CLIC5: variants seen among roughly 807,000 people sequenced by gnomAD.
CLIC5 encodes CLIC family member 5, also known as chloride intracellular channel protein 5.
In CLIC5, 20 loss-of-function variants were observed where a neutral mutation model predicts 24.7. The ratio of observed to expected loss-of-function variants is 0.81; its 90% CI spans 0.57 to 1.18. The LOEUF is 1.18. CLIC5 is among the 50% of genes most tolerant of loss of function. CLIC5 has a pLI of 0.00. For synonymous variants in CLIC5, 159 were observed against 135.6 expected (o/e 1.17, Z -1.20); for missense variants, 341 against 326.1 (o/e 1.05, Z -0.35).
intron 1 of CLIC5, among the ~76,000 whole-genome samples, chr6:46,061,838 T>G (rs1470375470): frequency 6.6e-6 from 1 of 152,220 alleles, no homozygotes; most frequent in Non-Finnish European, 1.5e-5. Context: ...ACATGAAAAC[T>G]CATCTGTCTC....
At chr6:46,109,614 G>T in the CLIC5 span, among the ~76,000 whole-genome samples, 101 of 149,080 alleles carry the variant, frequency 6.8e-4, 1 homozygote, top group East Asian at 0.019. Flanking sequence ...ACATGGGAAT[G>T]AATAGAGGAC....
intron 5 of CLIC5, chr6:45,912,093 T>A (rs1183043790): frequency 3.0e-6 from 3 of 986,084 alleles, no homozygotes; most frequent in Non-Finnish European, 2.4e-6. Context: ...GCTCATGTTC[T>A]GAATTTGCTC....
intron 1 of CLIC5, among the ~76,000 whole-genome samples, chr6:46,060,234 A>C (rs1368879724): frequency 6.6e-6 from 1 of 152,152 alleles, no homozygotes; most frequent in Non-Finnish European, 1.5e-5. Context: ...TGGTAAGAAG[A>C]GCTGAGGCAT....
the CLIC5 span, among the ~76,000 whole-genome samples, chr6:46,122,018 C>G: frequency 1.7e-4 from 26 of 152,244 alleles, no homozygotes; most frequent in African/African-American, 5.8e-4. Flanking sequence ...TTAGACAGAT[C>G]AACGAGAGAG....
Position 46,047,813 on chromosome 6 carries a change from G to A in CLIC5, c.540+31890C>T, listed in dbSNP as rs1767993560. On this transcript the variant is annotated intron_variant, in intron 1 of 5. Transcript: ENST00000185206. ...TATTACAAAATCATTGGCAAATGAA[G>A]AGGCATTCAAAGTGTATGTTTCAAA... 3.4e-5 allele frequency among the ~76,000 whole-genome samples: 5 copies of A among 147,154 alleles called. No individual in the cohort carries two copies. In the Admixed American group the frequency reaches 3.5e-4, roughly 10 times the overall value.
intron 1 of CLIC5, among the ~76,000 whole-genome samples, chr6:46,007,506 C>T (rs1473406108): frequency 6.6e-6 from 1 of 152,290 alleles, no homozygotes; most frequent in South Asian, 2.1e-4. Context: ...TGTCTTTTGG[C>T]CCTTGTTTGG....
rs1491387020 is a variant in CLIC5 at position 46,050,854 on chromosome 6, T to TGTGTGTGC, written c.540+28848_540+28849insGCACACAC. ...ATTTAAGGTATAAAGTGTGTGTGTA[T>TGTGTGTGC]GTGTGTGTGTGTGTGTGTGTGTGCA... On this transcript the variant is annotated intron_variant, in intron 1 of 5. Transcript: ENST00000185206. Among the ~76,000 whole-genome samples the TGTGTGTGC allele has an allele frequency of 3.4e-3, 49 of 14,224 alleles. No homozygotes were observed. The Admixed American group carries it at 0.049, about 14-fold the overall frequency. 9.3% of individuals were successfully genotyped at this position (14,224 alleles called of 152,430 possible).
chr6:46,022,918 C>A (rs983175516), intron 1 of CLIC5, among the ~76,000 whole-genome samples: 5 of 152,164 alleles, frequency 3.3e-5, no homozygotes, highest in African/African-American at 9.7e-5. Context: ...TGAGTTATGG[C>A]TTTTCAACTG....
At chr6:46,011,299 G>A (rs941728127) in intron 1 of CLIC5, among the ~76,000 whole-genome samples, 4 of 152,228 alleles carry the variant, frequency 2.6e-5, no homozygotes, top group African/African-American at 9.6e-5. Context: ...GAGGCTGTTA[G>A]AAGTTCTGGA....
chr6:46,051,080 C>T (rs922062961), intron 1 of CLIC5, among the ~76,000 whole-genome samples: 3 of 152,180 alleles, frequency 2.0e-5, no homozygotes, highest in African/African-American at 7.2e-5. Context: ...TGGCCCCCAT[C>T]TCTGAACTCT....
intron 1 of CLIC5, among the ~76,000 whole-genome samples, chr6:46,060,982 G>T (rs1353043743): frequency 6.6e-6 from 1 of 152,150 alleles, no homozygotes; most frequent in Non-Finnish European, 1.5e-5. Flanking sequence ...TGCAGTATCT[G>T]CACATTAGGT....
intron 1 of CLIC5, among the ~76,000 whole-genome samples, chr6:46,027,022 A>C (rs933404344): frequency 2.0e-5 from 3 of 152,178 alleles, no homozygotes; most frequent in African/African-American, 7.2e-5. Flanking sequence ...TTATCTACTG[A>C]CCACCTATTT....
chr6:45,956,645 TC>T (rs1286365568), intron 1 of CLIC5, among the ~76,000 whole-genome samples: 1 of 152,148 alleles, frequency 6.6e-6, no homozygotes, highest in East Asian at 1.9e-4. Context: ...TGCAAATTGC[TC>T]CCAGCAGGGG....
chr6:46,003,176 T>C (rs1445796000), intron 1 of CLIC5, among the ~76,000 whole-genome samples: 1 of 152,242 alleles, frequency 6.6e-6, no homozygotes, highest in Non-Finnish European at 1.5e-5. Context: ...GTGTTCAGAA[T>C]AGCAGTTAGC....
chr6:46,125,231 A>G, the CLIC5 span, among the ~76,000 whole-genome samples: 3 of 152,176 alleles, frequency 2.0e-5, no homozygotes, highest in African/African-American at 7.2e-5. Context: ...TATACACCAC[A>G]GAATACTATG....
rs755770652 is a variant in CLIC5, at chr6:45,903,133, G to C, written c.711C>G (p.Ile237Met). ...TGGCGACATCAGCGTAGGCCAACTC[G>C]ATCTCACTGTCAGCTGCACAGGTGT... ...FTNTCAADSE[I>M]ELAYADVAKR... Residue 237 changes from isoleucine (I) to methionine (M), a missense_variant, in exon 6 of 6, where the codon ATC (isoleucine) becomes ATG (methionine). Transcript: ENST00000339561. 1.2e-6 allele frequency: 2 copies of C among 1,614,200 alleles called. No homozygotes were observed. Among genetic ancestry groups the C allele is most frequent in the Non-Finnish European group, 8.5e-7 (1 of 1,180,028 alleles).
chr6:46,120,099 T>G, the CLIC5 span, among the ~76,000 whole-genome samples: 1 of 152,330 alleles, frequency 6.6e-6, no homozygotes, highest in Admixed American at 6.5e-5. Flanking sequence ...TCTCCCAGCA[T>G]GCAGTTTGAG....
intron 6 of CLIC5, among the ~76,000 whole-genome samples, chr6:45,889,863 C>T (rs1053383575): frequency 8.5e-5 from 13 of 152,116 alleles, no homozygotes; most frequent in Non-Finnish European, 1.5e-4. Context: ...ATTATTTCAA[C>T]AGCAAAAGAC....
In CLIC5 at chr6:45,914,413, G is replaced by C; in HGVS notation, c.407-4C>G. ...TTGGTTAGGCCTCTTTCAAGAGCTG[G>C]CATGAAAGAGTAAAAGGGCCTTTAT... is the stretch of plus-strand genomic sequence containing the variant. On this transcript the variant is annotated splice_region_variant and splice_polypyrimidine_tract_variant and intron_variant, in intron 4 of 5. Transcript: ENST00000339561. 3 of 1,558,700 alleles carry C rather than the reference G, an allele frequency of 1.9e-6. No individual in the cohort carries two copies. In the Admixed American group the frequency reaches 5.3e-5, roughly 28 times the overall value.
Sources: allele counts gnomAD v4.1 joint callset (sites outside exome capture counted in the v4.1 genomes callset), GRCh38; gene constraint gnomAD v4.1.1; transcripts MANE v1.5; gene names NCBI Gene and HGNC (gene_info 2026-07-23, HGNC 2026-07-21).